Variants in PGA5 observed in about 807,000 individuals in gnomAD.
PGA5 encodes the protein pepsinogen A5.
Under a neutral mutation model 15.9 loss-of-function variants are expected in PGA5, and 19 were observed. The ratio of observed to expected loss-of-function variants is 1.19; its 90% CI spans 0.83 to 1.75. PGA5 has a LOEUF of 1.75. PGA5 is among the 40% of genes most tolerant of loss of function. The pLI is 0.00. For missense variants in PGA5, 224 were observed against 246.4 expected, an observed-to-expected ratio of 0.91 and a Z score of 0.61; for synonymous variants, 92 against 95.8, an observed-to-expected ratio of 0.96 and a Z score of 0.23.
intron 5 of PGA5, among the ~76,000 whole-genome samples, chr11:61,247,395 A>G (rs1854079613): frequency 6.6e-6 from 1 of 150,696 alleles, no homozygotes; most frequent in Non-Finnish European, 1.5e-5. Flanking sequence ...TGTCTACCTC[A>G]GCATCCCGAG....
intron 5 of PGA5, among the ~76,000 whole-genome samples, chr11:61,246,763 CAATAAATAAATAAATAAATA>C (rs147138290): frequency 8.8e-5 from 13 of 147,334 alleles, no homozygotes; most frequent in Middle Eastern, 3.4e-3. Context: ...GACTCCATCT[CAATAAATAAATAAATAAATA>C]AATAAATAAA....
At chr11:61,250,970 T>C (rs144800702) in intron 8 of PGA5, among the ~76,000 whole-genome samples, 162 bp from the exon 9 acceptor site, 5,418 of 146,140 alleles carry the variant, frequency 0.037, 238 homozygotes, top group Middle Eastern at 0.065. Context: ...TTCTACAGGC[T>C]GACTCCAGGC....
chr11:61,248,517 G>A lies in PGA5; in HGVS notation c.755G>A (p.Trp252Ter). 1.2e-6 allele frequency: 2 copies of A among 1,612,676 alleles called. No individual in the cohort carries two copies. Among genetic ancestry groups the A allele is most frequent in the Non-Finnish European group, 1.7e-6 (2 of 1,179,854 alleles). The change falls in exon 6 of 9, where the codon TGG (tryptophan) becomes TAG (stop). Residue 252 changes from tryptophan to a stop codon, truncating the protein, a stop_gained. Coordinates refer to ENST00000312403, the MANE Select transcript of PGA5 (RefSeq NM_014224.5). LOFTEE classifies it high-confidence loss of function. ...NWVPVTVEGY[W>*]QITVDSITMN... The stretch of plus-strand genomic sequence containing the variant: ...GTGCCTGTTACCGTCGAGGGTTACT[G>A]GCAGATCACCGTGGACAGGTGAGAC...
In PGA5 at chr11:61,249,955, A is replaced by G. The variant is rs1029581223; in HGVS notation, c.958A>G (p.Ile320Val). 5 of 1,612,936 alleles carry G rather than the reference A, an allele frequency of 3.1e-6. No homozygotes were observed. Among genetic ancestry groups the G allele is most frequent in the East Asian group, 4.5e-5 (2 of 44,870 alleles). ...CTCAGCCATCAGCAGCCTGCCCGAC[A>G]TCGTCTTCACCATCAATGGAGTCCA... ...SCSAISSLPD[I>V]VFTINGVQYP... is the part of the protein sequence containing the mutation. The change falls in exon 8 of 9, where the codon ATC becomes GTC. Residue 320 changes from isoleucine to valine, a missense_variant. Coordinates refer to ENST00000312403, the MANE Select transcript of PGA5 (RefSeq NM_014224.5).
At chr11:61,249,483 C>A in intron 6 of PGA5, 186 bp from the exon 7 acceptor site, 2 of 1,171,580 alleles carry the variant, frequency 1.7e-6, no homozygotes, top group Non-Finnish European at 2.4e-6. Context: ...AGAGGGTAGG[C>A]ACTTGGGAAA....
chr11:61,249,320 C>T, intron 6 of PGA5: 1 of 420,130 alleles, frequency 2.4e-6, no homozygotes, highest in Non-Finnish European at 4.5e-6. Context: ...CACCACCTCT[C>T]ACCCTGGGCC....
intron 5 of PGA5, among the ~76,000 whole-genome samples, chr11:61,247,444 A>AT (rs1485526384): frequency 6.6e-6 from 1 of 151,428 alleles, no homozygotes; most frequent in East Asian, 1.9e-4. Context: ...TGCCCAGCTA[A>AT]TTTTTTGTAT....
rs146520000 is a variant in PGA5, at chr11:61,250,346, G to C, written c.1017+332G>C. ...ACAGCTCATCTCACCCTCAGTTTTC[G>C]CATCCAAAAGGTAGAGATGGCAGCT... On this transcript the variant is annotated intron_variant, in intron 8 of 8. Coordinates refer to ENST00000312403, the MANE Select transcript of PGA5 (RefSeq NM_014224.5). Among the ~76,000 whole-genome samples the C allele has an allele frequency of 9.3e-4, 141 of 151,170 alleles. 1 individual carries two copies. The Middle Eastern group carries it at 0.01, about 11-fold the overall frequency.
chr11:61,249,570 G>A, intron 6 of PGA5, 99 bp from the exon 7 acceptor site: 2 of 1,602,508 alleles, frequency 1.2e-6, no homozygotes, highest in Non-Finnish European at 8.5e-7. Flanking sequence ...TTGGCCAATG[G>A]ATGGGTGGGG....
Position 61,249,726 on chromosome 11 carries a change from C to T in PGA5, c.831C>T (p.Asp277=), listed in dbSNP as rs144147304. 733 of 1,613,550 alleles carry T rather than the reference C, an allele frequency of 4.5e-4. 9 individuals are homozygous for T. In the African/African-American group the frequency reaches 8.7e-3, roughly 19 times the overall value. ...ACAEGCQAIV[D]TGTSLLTGPT... is the part of the protein sequence containing the mutation. ...CTGAGGGCTGCCAGGCCATTGTTGACACCGGCACCTCTCTGCTGACCGGCC... is the reference window on the plus strand; with the variant it reads ...CTGAGGGCTGCCAGGCCATTGTTGATACCGGCACCTCTCTGCTGACCGGCC... The change falls in exon 7 of 9, where the codon GAC becomes GAT. Residue 277 remains aspartate (D), a synonymous_variant. Coordinates refer to ENST00000312403, the MANE Select transcript of PGA5 (RefSeq NM_014224.5).
In PGA5 at chr11:61,248,036, C is replaced by G. The variant is rs1006239779; in HGVS notation, c.657-383C>G. On this transcript the variant is annotated intron_variant, in intron 5 of 8. Transcript: ENST00000312403. ...GCTAAGAACCAGTGACCTCCACCCT[C>G]AAGTCCTTAAGAGCGGACACTGTCA... 9.5e-5 allele frequency: 57 copies of G among 602,784 alleles called. No individual in the cohort carries two copies. In the South Asian group the frequency reaches 1.1e-3, roughly 12 times the overall value. The allele number at this position is 602,784 out of a possible 1,614,324, so 37.3% of individuals were successfully genotyped here.
At position 61,249,557 on chromosome 11, in the gene PGA5, G is replaced by C. The variant is rs1157189941; in HGVS notation, c.774-112G>C. 36 of 1,577,196 alleles carry C rather than the reference G, an allele frequency of 2.3e-5. No homozygotes were observed. In the South Asian group the frequency reaches 3.1e-4, roughly 14 times the overall value. The stretch of plus-strand genomic sequence containing the variant: ...TGAACGAGAGGAACAGAAATTTCAC[G>C]CATTGGCCAATGGATGGGTGGGGAA... On this transcript the variant is annotated intron_variant, in intron 6 of 8. Transcript: ENST00000312403.
chr11:61,246,390 C>T (rs1389979575), intron 5 of PGA5, among the ~76,000 whole-genome samples: 2 of 151,688 alleles, frequency 1.3e-5, no homozygotes, highest in South Asian at 4.2e-4. Context: ...ATGTGCACAA[C>T]TCAAATGTCA....
At position 61,247,167 on chromosome 11, in the gene PGA5, C is replaced by T. The variant is rs147307670; in HGVS notation, c.656+1022C>T. 1.9e-4 allele frequency among the ~76,000 whole-genome samples: 29 copies of T among 152,048 alleles called. 1 individual carries two copies. The highest frequency in any genetic ancestry group is 6.0e-4 in the African/African-American group (25 of 41,330). On this transcript the variant is annotated intron_variant, in intron 5 of 8. Transcript: ENST00000312403. Reference sequence around the variant, plus strand: ...TGTGTCTCCTCGGTTGGTAACTACACGTCTAGGTCCTCACTATATTGCCTT... The same window carrying T: ...TGTGTCTCCTCGGTTGGTAACTACATGTCTAGGTCCTCACTATATTGCCTT...
At chr11:61,247,420 G>T (rs563019413) in intron 5 of PGA5, among the ~76,000 whole-genome samples, 1 of 151,872 alleles carries the variant, frequency 6.6e-6, no homozygotes, top group African/African-American at 2.4e-5. Flanking sequence ...TGGGACTACA[G>T]GCATGGGCCA....
intron 5 of PGA5, among the ~76,000 whole-genome samples, chr11:61,247,285 T>C (rs1019981989): frequency 3.3e-5 from 5 of 151,288 alleles, no homozygotes; most frequent in Non-Finnish European, 5.9e-5. Flanking sequence ...TAATTTCTTT[T>C]TTTTTTTTTT....
chr11:61,249,580 G>T, intron 6 of PGA5, 89 bp from the exon 7 acceptor site: 1 of 1,608,548 alleles, frequency 6.2e-7, no homozygotes, highest in Non-Finnish European at 8.5e-7. Context: ...GATGGGTGGG[G>T]AAGGAATGTC....
intron 6 of PGA5, 70 bp downstream of exon 6, chr11:61,248,605 C>CA (rs1259434749): frequency 1.3e-6 from 2 of 1,586,480 alleles, no homozygotes; most frequent in African/African-American, 2.7e-5. Flanking sequence ...GATTCATAGC[C>CA]AATCAGCTTT....
intron 5 of PGA5, among the ~76,000 whole-genome samples, chr11:61,246,728 C>T (rs1461183929): frequency 2.0e-5 from 3 of 151,154 alleles, no homozygotes; most frequent in Non-Finnish European, 4.4e-5. Context: ...TGTACCACTG[C>T]ATCCTAGCCT....
Sources: allele counts gnomAD v4.1 joint callset (sites outside exome capture counted in the v4.1 genomes callset), GRCh38; gene constraint gnomAD v4.1.1; transcripts MANE v1.5; gene names NCBI Gene and HGNC (gene_info 2026-07-23, HGNC 2026-07-21).